The following SPTBN1 variants were observed in gnomAD, a reference collection of about 807,000 sequenced individuals.
SPTBN1 encodes spectrin beta chain, non-erythrocytic 1.
In SPTBN1, 32 loss-of-function variants were observed where a neutral mutation model predicts 266.4. The observed-to-expected ratio is 0.12, with a 90% CI of 0.09 to 0.16. SPTBN1 has a LOEUF of 0.16. Ranked by LOEUF, SPTBN1 falls within the 10% of genes least tolerant of loss-of-function variation. The pLI is 1.00. For synonymous variants in SPTBN1, 1,336 were observed against 1,162.2 expected (o/e 1.15, Z -3.04); for missense variants, 2,296 against 3,067.1 (o/e 0.75, Z 5.94).
chr2:54,645,518 A>G lies in SPTBN1; in HGVS notation c.4494+65A>G. 1 of 1,534,484 alleles carries G rather than the reference A, an allele frequency of 6.5e-7. No individual in the cohort carries two copies. Among genetic ancestry groups the G allele is most frequent in the Non-Finnish European group, 8.9e-7 (1 of 1,125,274 alleles). ...CCCCCTTGCCTGTGCTAAAGCCCACATTCTCACTTCTCAGTCATCCTCACC... is the reference window on the plus strand; with the variant it reads ...CCCCCTTGCCTGTGCTAAAGCCCACGTTCTCACTTCTCAGTCATCCTCACC... On this transcript the variant is annotated intron_variant, in intron 21 of 35. Coordinates refer to ENST00000356805, the MANE Select transcript of SPTBN1 (RefSeq NM_003128.3). This position sits in a 1 kb window ranked among gnomAD's most constrained non-coding sequence, Gnocchi z 4.3.
Position 54,629,115 on chromosome 2 carries a change from C to T in SPTBN1, c.1981C>T (p.Leu661=). 1 of 1,613,674 alleles carries T rather than the reference C, an allele frequency of 6.2e-7. No individual in the cohort carries two copies. Among genetic ancestry groups the T allele is most frequent in the Non-Finnish European group, 8.5e-7 (1 of 1,179,912 alleles). ...CTGGATACGGGAGAAGGAGAAGATC[C>T]TGTCCTCGGACGATTACGGGAAAGA... is the stretch of plus-strand genomic sequence containing the variant. ...EGWIREKEKI[L]SSDDYGKDLT... The change falls in exon 14 of 36, where the codon CTG becomes TTG. Residue 661 remains leucine (L), a synonymous_variant. Coordinates refer to ENST00000356805, the MANE Select transcript of SPTBN1 (RefSeq NM_003128.3).
intron 5 of SPTBN1, among the ~76,000 whole-genome samples, chr2:54,617,254 C>A (rs1677667536): frequency 6.6e-6 from 1 of 152,174 alleles, no homozygotes; most frequent in East Asian, 1.9e-4. Context: ...ACTGCAGGTC[C>A]TGGTGTCTTT....
intron 1 of SPTBN1, among the ~76,000 whole-genome samples, chr2:54,474,788 T>C (rs1329040284): frequency 1.3e-5 from 2 of 152,190 alleles, no homozygotes; most frequent in African/African-American, 4.8e-5. Context: ...TTGTGATTTT[T>C]GCTTTTGTCT....
Position 54,664,575 on chromosome 2 carries a change from A to T in SPTBN1, c.6543A>T (p.Pro2181=). 6.2e-7 allele frequency: 1 copy of T among 1,614,156 alleles called. No homozygotes were observed. Among genetic ancestry groups the T allele is most frequent in the South Asian group, 1.1e-5 (1 of 91,082 alleles). ...ATCGTAAAGCCAAGACTGCCCTCCCAGCCCAGAGTGCCGCCACCTTACCAG... is the reference window on the plus strand; with the variant it reads ...ATCGTAAAGCCAAGACTGCCCTCCCTGCCCAGAGTGCCGCCACCTTACCAG... ...TSDRKAKTAL[P]AQSAATLPAR... The change falls in exon 33 of 36, where the codon CCA becomes CCT. Residue 2181 remains proline (P), a synonymous_variant. Transcript: ENST00000356805. The surrounding 1 kb of genome is among the most constrained non-coding windows in gnomAD (Gnocchi z 5.6).
In SPTBN1 at chr2:54,649,689, T is replaced by C; in HGVS notation, c.5277T>C (p.Asn1759=). The C allele has an allele frequency of 6.2e-7, 1 of 1,614,112 alleles. No individual in the cohort carries two copies. Among genetic ancestry groups the C allele is most frequent in the Non-Finnish European group, 8.5e-7 (1 of 1,180,014 alleles). The change falls in exon 26 of 36, where the codon AAT becomes AAC. Residue 1759 remains asparagine, a synonymous_variant. Transcript: ENST00000356805. This position sits in a 1 kb window ranked among gnomAD's most constrained non-coding sequence, Gnocchi z 6.7. ...GGCAGGAGCGCGTGGACACGGTCAA[T>C]CACCTGGCAGATGAGCTCATCAACT... ...NIGQERVDTV[N]HLADELINSG... is the part of the protein sequence containing the mutation.
At chr2:54,561,998 CCCA>C in intron 2 of SPTBN1, among the ~76,000 whole-genome samples, 1 of 152,098 alleles carries the variant, frequency 6.6e-6, no homozygotes, top group African/African-American at 2.4e-5. Flanking sequence ...ACACCCAACA[CCCA>C]ACACACACAC....
chr2:54,606,397 A>C (rs562744366), intron 3 of SPTBN1, among the ~76,000 whole-genome samples: 1 of 152,168 alleles, frequency 6.6e-6, no homozygotes, highest in Non-Finnish European at 1.5e-5. Flanking sequence ...TCATGAAGAC[A>C]CTTTGTTTGT....
intron 17 of SPTBN1, among the ~76,000 whole-genome samples, chr2:54,636,393 G>A (rs189109255): frequency 7.6e-4 from 115 of 152,266 alleles, no homozygotes; most frequent in African/African-American, 2.6e-3. Flanking sequence ...ATGTAAATAT[G>A]TATAATTTCT....
intron 2 of SPTBN1, among the ~76,000 whole-genome samples, chr2:54,544,225 T>C (rs2104407123): frequency 6.6e-6 from 1 of 152,328 alleles, no homozygotes; most frequent in East Asian, 1.9e-4. Context: ...GCTTCTGGGT[T>C]CCAGGCAGTA....
chr2:54,596,940 C>G (rs1676131721), intron 2 of SPTBN1, among the ~76,000 whole-genome samples: 2 of 152,156 alleles, frequency 1.3e-5, no homozygotes, highest in South Asian at 4.1e-4. Context: ...TGTGAAAGAA[C>G]CTGTTAATTC....
At chr2:54,654,513 A>G (rs1680522022) in intron 27 of SPTBN1, among the ~76,000 whole-genome samples, 1 of 152,106 alleles carries the variant, frequency 6.6e-6, no homozygotes, top group Non-Finnish European at 1.5e-5. Flanking sequence ...TATGATATAT[A>G]TTTTTTTGAA....
intron 2 of SPTBN1, among the ~76,000 whole-genome samples, chr2:54,549,810 G>C (rs1672461648): frequency 6.6e-6 from 1 of 152,112 alleles, no homozygotes; most frequent in Non-Finnish European, 1.5e-5. Context: ...TGAGGGGAGG[G>C]CCAAGAGCAG....
chr2:54,517,947 T>A (rs1295952092), intron 1 of SPTBN1, among the ~76,000 whole-genome samples: 1 of 10,514 alleles, frequency 9.5e-5, no homozygotes, highest in Non-Finnish European at 1.6e-4. Context: ...CCTGGTATTG[T>A]TTTTTTTTTT....
intron 1 of SPTBN1, among the ~76,000 whole-genome samples, chr2:54,522,671 AGAGAGAG>A (rs1183147296): frequency 2.0e-5 from 2 of 99,510 alleles, no homozygotes; most frequent in Non-Finnish European, 4.2e-5. Flanking sequence ...AGAGAGAGAG[AGAGAGAG>A]GAGAGAGAGA....
At chr2:54,638,290 G>C (rs187687752) in intron 18 of SPTBN1, among the ~76,000 whole-genome samples, 1 of 152,336 alleles carries the variant, frequency 6.6e-6, no homozygotes, top group East Asian at 1.9e-4. Flanking sequence ...TTAGTGTCAT[G>C]CTTTCACTCT....
intron 1 of SPTBN1, among the ~76,000 whole-genome samples, chr2:54,471,011 A>G (rs909021543): frequency 1.3e-5 from 2 of 152,206 alleles, no homozygotes; most frequent in Non-Finnish European, 2.9e-5. Context: ...ATAGCCCAAG[A>G]CACTTCTTCT....
intron 15 of SPTBN1, among the ~76,000 whole-genome samples, 197 bp downstream of exon 15, chr2:54,630,226 G>A (rs1050519553): frequency 6.6e-6 from 1 of 152,230 alleles, no homozygotes; most frequent in African/African-American, 2.4e-5. Context: ...ATCATTGGTT[G>A]CAGGAGGATT....
intron 8 of SPTBN1, 107 bp downstream of exon 8, chr2:54,621,619 C>T: frequency 1.3e-6 from 1 of 776,422 alleles, no homozygotes; most frequent in Non-Finnish European, 2.2e-6. Flanking sequence ...GTAGTGGACT[C>T]TCCGGATGGT....
chr2:54,618,812 G>A (rs1457664732), intron 7 of SPTBN1, among the ~76,000 whole-genome samples: 1 of 152,120 alleles, frequency 6.6e-6, no homozygotes, highest in Non-Finnish European at 1.5e-5. Context: ...GGTGGAAGGA[G>A]CAGCAGTCAT....
Sources: gnomAD v4.1 joint callset for allele counts (sites outside exome capture counted in the v4.1 genomes callset) on GRCh38, gnomAD v4.1.1 for gene constraint, Gnocchi (gnomAD v3.1) non-coding constraint, MANE v1.5 for transcripts, NCBI Gene and HGNC (gene_info 2026-07-23, HGNC 2026-07-21) for gene names.